Variants in MNS1 observed in about 807,000 individuals in gnomAD.
MNS1 encodes the protein meiosis specific nuclear structural 1, also known as meiosis-specific nuclear structural protein 1.
Under a neutral mutation model 72.0 loss-of-function variants are expected in MNS1, and 63 were observed. The observed-to-expected ratio is 0.87, with a 90% CI of 0.71 to 1.08. MNS1 has a LOEUF of 1.08. MNS1 is among the 50% of genes least tolerant of loss of function. The pLI, the probability that MNS1 is intolerant of heterozygous loss-of-function variation, is 0.00. For synonymous variants in MNS1, 188 were observed against 172.1 expected, an observed-to-expected ratio of 1.09 and a Z score of -0.72; for missense variants, 604 against 562.4, an observed-to-expected ratio of 1.07 and a Z score of -0.75.
At chr15:56,448,659 A>C (rs1232954212) in intron 3 of MNS1, among the ~76,000 whole-genome samples, 2 of 151,830 alleles carry the variant, frequency 1.3e-5, no homozygotes, top group African/African-American at 4.8e-5. Context: ...GATTAATTCC[A>C]TGTCTTTGCT....
Position 56,428,731 on chromosome 15 carries a change from G to A in MNS1, c.*370C>T. ...GTAGACCAAAAAAGATGCTTTAAAAGAAAATTCCAAATATTTATTTCCCTG... is the reference window on the plus strand; with the variant it reads ...GTAGACCAAAAAAGATGCTTTAAAAAAAAATTCCAAATATTTATTTCCCTG... On this transcript the variant is annotated 3_prime_UTR_variant, in exon 10 of 10. Coordinates refer to ENST00000260453, the MANE Select transcript of MNS1 (RefSeq NM_018365.4). 2.8e-6 allele frequency: 1 copy of A among 358,084 alleles called. No individual in the cohort carries two copies. The highest frequency in any genetic ancestry group is 5.0e-6 in the Non-Finnish European group (1 of 200,068). 22.2% of individuals were successfully genotyped at this position (358,084 alleles called of 1,614,324 possible).
chr15:56,436,270 T>C (rs568878462), intron 7 of MNS1, among the ~76,000 whole-genome samples: 4 of 152,286 alleles, frequency 2.6e-5, no homozygotes, highest in East Asian at 3.9e-4. Context: ...CAGACCACAG[T>C]GCAATCAAAC....
At chr15:56,440,088 G>C (rs532506162) in intron 7 of MNS1, among the ~76,000 whole-genome samples, 5 of 152,078 alleles carry the variant, frequency 3.3e-5, no homozygotes, top group African/African-American at 1.2e-4. Flanking sequence ...AACCCAATTA[G>C]AGAATCAGCA....
chr15:56,462,137 T>C (rs1426484716), intron 2 of MNS1, among the ~76,000 whole-genome samples: 1 of 151,952 alleles, frequency 6.6e-6, no homozygotes, highest in African/African-American at 2.4e-5. Flanking sequence ...CCCAAAGTGC[T>C]AGAATTATAT....
At position 56,459,990 on chromosome 15, in the gene MNS1, C is replaced by CAAAAAAAAAAAAAAAA; in HGVS notation, c.226-3485_226-3470dup. Among the ~76,000 whole-genome samples the CAAAAAAAAAAAAAAAA allele has an allele frequency of 1.5e-3, 17 of 11,114 alleles. 1 individual carries two copies. Among genetic ancestry groups the CAAAAAAAAAAAAAAAA allele is most frequent in the African/African-American group, 6.7e-3 (15 of 2,238 alleles). 7.3% of individuals were successfully genotyped at this position (11,114 alleles called of 152,430 possible). A position where few individuals can be genotyped will look rare whatever the true frequency, so the allele number is the denominator to read the frequency against. On this transcript the variant is annotated intron_variant, in intron 2 of 9. Transcript: ENST00000260453. ...GGGCAACAAGAGCGAAATTCTGTCTCAAAAAAAAAAAAAAAAAAAATACAT... is the reference window on the plus strand; with the variant it reads ...GGGCAACAAGAGCGAAATTCTGTCTCAAAAAAAAAAAAAAAAAAAAAAAAAAAAAAAAAAAATACAT...
chr15:56,441,426 T>C (rs1567150231), intron 7 of MNS1, among the ~76,000 whole-genome samples: 1 of 152,202 alleles, frequency 6.6e-6, no homozygotes. Flanking sequence ...TACGATATCC[T>C]GCGGTTCTGA....
At chr15:56,436,679 GAGA>G (rs1293001740) in intron 7 of MNS1, among the ~76,000 whole-genome samples, 3 of 152,092 alleles carry the variant, frequency 2.0e-5, no homozygotes, top group South Asian at 2.1e-4. Context: ...CTGGTTTTCT[GAGA>G]AGATCAACAA....
intron 2 of MNS1, 47 bp from the exon 3 acceptor site, chr15:56,456,568 T>C: frequency 1.3e-6 from 2 of 1,584,242 alleles, no homozygotes; most frequent in Non-Finnish European, 1.7e-6. Flanking sequence ...GAATCAGATT[T>C]TTTTCATCAA....
At chr15:56,449,978 C>T (rs1207982754) in intron 3 of MNS1, among the ~76,000 whole-genome samples, 5 of 152,124 alleles carry the variant, frequency 3.3e-5, no homozygotes, top group African/African-American at 4.8e-5. Context: ...CAATTTTATT[C>T]ACCTTTTTAT....
chr15:56,435,537 C>T (rs1213566626), intron 7 of MNS1, among the ~76,000 whole-genome samples: 12 of 151,884 alleles, frequency 7.9e-5, no homozygotes, highest in African/African-American at 2.7e-4. Flanking sequence ...AGGAATACTA[C>T]AAATTATTAT....
rs1336105757 is a variant in MNS1, at chr15:56,464,344, G to A, written c.4-97C>T. 5.7e-6 allele frequency: 5 copies of A among 879,344 alleles called. No homozygotes were observed. The African/African-American group carries it at 6.9e-5, about 12-fold the overall frequency. 54.5% of individuals were successfully genotyped at this position (879,344 alleles called of 1,614,324 possible). A position where few individuals can be genotyped will look rare whatever the true frequency, so the allele number is the denominator to read the frequency against. The stretch of plus-strand genomic sequence containing the variant: ...AAACCTTAGTAAGAAAGGATACGAA[G>A]AGCCTGGCTTCCTTCCTAAATTCAA... On this transcript the variant is annotated intron_variant, in intron 1 of 9. Transcript: ENST00000260453.
At chr15:56,458,224 T>C (rs2050993417) in intron 2 of MNS1, among the ~76,000 whole-genome samples, 1 of 152,212 alleles carries the variant, frequency 6.6e-6, no homozygotes, top group Admixed American at 6.5e-5. Flanking sequence ...CAATTCACAA[T>C]TCAGTGATGT....
At chr15:56,452,857 T>C (rs554261167) in intron 3 of MNS1, among the ~76,000 whole-genome samples, 2 of 152,250 alleles carry the variant, frequency 1.3e-5, no homozygotes, top group East Asian at 3.9e-4. Context: ...CAGTGAATCA[T>C]CCTCAGCAGT....
At chr15:56,464,396 G>A (rs914755325) in intron 1 of MNS1, 149 bp from the exon 2 acceptor site, 11 of 623,332 alleles carry the variant, frequency 1.8e-5, no homozygotes, top group Non-Finnish European at 3.0e-5. Flanking sequence ...AAAAGTAAAC[G>A]TGGTAAATAT....
chr15:56,462,596 T>G (rs915057796), intron 2 of MNS1, among the ~76,000 whole-genome samples: 3 of 152,198 alleles, frequency 2.0e-5, no homozygotes, highest in Non-Finnish European at 4.4e-5. Context: ...TGGCTTAGTT[T>G]AGCAAGCTAA....
chr15:56,434,981 G>A (rs1458714260), intron 7 of MNS1, among the ~76,000 whole-genome samples: 1 of 151,966 alleles, frequency 6.6e-6, no homozygotes, highest in Non-Finnish European at 1.5e-5. Flanking sequence ...TTTATTTTCT[G>A]AACATTTTAT....
intron 4 of MNS1, 22 bp from the exon 5 acceptor site, chr15:56,444,695 T>C: frequency 6.3e-7 from 1 of 1,583,800 alleles, no homozygotes; most frequent in Non-Finnish European, 8.6e-7. Context: ...ACAAAATTGA[T>C]CTTTCCGTTT....
At position 56,439,804 on chromosome 15, in the gene MNS1, G is replaced by GA. The variant is rs112861090; in HGVS notation, c.1011+3625dup. On this transcript the variant is annotated intron_variant, in intron 7 of 9. Transcript: ENST00000260453. ...CACACACACACACACAAACCTTTAG[G>GA]AAAAAAAAAAGGAGAAATTCTTCAA... 5.1e-4 allele frequency among the ~76,000 whole-genome samples: 72 copies of GA among 141,244 alleles called. No individual in the cohort carries two copies. In the East Asian group the frequency reaches 5.9e-3, roughly 12 times the overall value. The allele number at this position is 141,244 out of a possible 152,430, so 92.7% of individuals were successfully genotyped here. A position where few individuals can be genotyped will look rare whatever the true frequency, so the allele number is the denominator to read the frequency against.
chr15:56,452,522 C>CTT (rs200065158), intron 3 of MNS1, among the ~76,000 whole-genome samples: 1 of 138,876 alleles, frequency 7.2e-6, no homozygotes, highest in Non-Finnish European at 1.6e-5. Context: ...TTCTTTTTTT[C>CTT]TTTTTTTTTT....
Sources: gnomAD v4.1 joint callset for allele counts (sites outside exome capture counted in the v4.1 genomes callset) on GRCh38, gnomAD v4.1.1 for gene constraint, MANE v1.5 for transcripts, NCBI Gene and HGNC (gene_info 2026-07-23, HGNC 2026-07-21) for gene names.